Variants in CARS2 observed in about 807,000 individuals in gnomAD.
The protein encoded by CARS2 is probable cysteine--tRNA ligase, mitochondrial.
CARS2 carries 52 observed loss-of-function variants against 68.8 expected under a neutral mutation model. That is an observed-to-expected ratio of 0.76 (90% CI 0.61 to 0.95). The LOEUF (loss-of-function observed/expected upper bound fraction) is 0.95. Among genes scored for constraint, CARS2 ranks in the 40% least tolerant of loss-of-function variants. CARS2 has a pLI of 0.00. For missense variants in CARS2, 780 were observed against 754.2 expected (o/e 1.03, Z -0.40); for synonymous variants, 314 against 303.6 (o/e 1.03, Z -0.36).
At position 110,705,810 on chromosome 13, in the gene CARS2, G is replaced by A. The variant is rs776707363; in HGVS notation, c.224+60C>T. ...CCTCCCCGAGCCCAGATCCCGTTCA[G>A]CCGTGGGAAGTCTCCGCCACGATCG... On this transcript the variant is annotated intron_variant, in intron 1 of 14. Coordinates refer to ENST00000257347, the MANE Select transcript of CARS2 (RefSeq NM_024537.4). This position sits in a 1 kb window ranked among gnomAD's most constrained non-coding sequence, Gnocchi z 4.0. 1 of 1,524,518 alleles carries A rather than the reference G, an allele frequency of 6.6e-7. No homozygotes were observed. The allele number at this position is 1,524,518 out of a possible 1,614,324, so 94.4% of individuals were successfully genotyped here.
At position 110,665,779 on chromosome 13, in the gene CARS2, T is replaced by C; in HGVS notation, c.919+1561A>G. 1.0e-6 allele frequency: 1 copy of C among 985,432 alleles called. No individual in the cohort carries two copies. Among genetic ancestry groups the C allele is most frequent in the Non-Finnish European group, 1.2e-6 (1 of 829,926 alleles). The allele number at this position is 985,432 out of a possible 1,614,324, so 61.0% of individuals were successfully genotyped here. A position where few individuals can be genotyped will look rare whatever the true frequency, so the allele number is the denominator to read the frequency against. On this transcript the variant is annotated intron_variant, in intron 8 of 14. Transcript: ENST00000257347. This position sits in a 1 kb window ranked among gnomAD's most constrained non-coding sequence, Gnocchi z 4.3. ...TTCGGGGCAATCAGCCTCATCTATTTACTTTCATGAAGAAACCCAAGTGAA... is the reference window on the plus strand; with the variant it reads ...TTCGGGGCAATCAGCCTCATCTATTCACTTTCATGAAGAAACCCAAGTGAA...
upstream of CARS2, among the ~76,000 whole-genome samples, chr13:110,708,029 CTTATG>C (rs1404397409): frequency 6.6e-6 from 1 of 152,154 alleles, no homozygotes; most frequent in East Asian, 1.9e-4. Context: ...TCTTGCCTGC[CTTATG>C]TTATTTTGTA....
chr13:110,689,837 G>T (rs1276689545), intron 3 of CARS2, among the ~76,000 whole-genome samples: 1 of 152,104 alleles, frequency 6.6e-6, no homozygotes, highest in East Asian at 1.9e-4. Flanking sequence ...TCTATCCAGG[G>T]GACAAAAGAC....
upstream of CARS2, among the ~76,000 whole-genome samples, chr13:110,708,459 T>C (rs1445658614): frequency 6.6e-6 from 1 of 152,268 alleles, no homozygotes. Context: ...ACATGCGGTA[T>C]ATTTGAATTG....
intron 1 of CARS2, among the ~76,000 whole-genome samples, chr13:110,711,608 T>C (rs1297730256): frequency 5.3e-5 from 8 of 152,258 alleles, no homozygotes; most frequent in African/African-American, 1.9e-4. Flanking sequence ...AAGACTAGAA[T>C]AGCGTGATCT....
At chr13:110,703,540 T>C (rs2063853614) in intron 2 of CARS2, among the ~76,000 whole-genome samples, 1 of 152,222 alleles carries the variant, frequency 6.6e-6, no homozygotes. Flanking sequence ...TAAAGGTAAA[T>C]ATTATACAAA....
Position 110,653,194 on chromosome 13 carries a change from G to A in CARS2, c.988-2094C>T, listed in dbSNP as rs533061484. ...GGGGCCTGGGGTGGGGAGGGGGGCT[G>A]GGGTATGTGTGTGTGTGTGTTTGTG... On this transcript the variant is annotated intron_variant, in intron 9 of 14. Coordinates refer to ENST00000257347, the MANE Select transcript of CARS2 (RefSeq NM_024537.4). This position sits in a 1 kb window ranked among gnomAD's most constrained non-coding sequence, Gnocchi z 5.6. 1.0e-4 allele frequency among the ~76,000 whole-genome samples: 13 copies of A among 130,184 alleles called. No homozygotes were observed. The highest frequency in any genetic ancestry group is 4.3e-4 in the African/African-American group (13 of 30,088). 85.4% of individuals were successfully genotyped at this position (130,184 alleles called of 152,430 possible).
chr13:110,672,234 C>G (rs1417354286), intron 7 of CARS2, among the ~76,000 whole-genome samples: 1 of 152,204 alleles, frequency 6.6e-6, no homozygotes, highest in Non-Finnish European at 1.5e-5. Context: ...ATCTACAGAA[C>G]TCTCCACCCC....
chr13:110,679,550 AAAG>A (rs1242739421), intron 6 of CARS2, among the ~76,000 whole-genome samples: 2 of 54,138 alleles, frequency 3.7e-5, no homozygotes, highest in South Asian at 8.9e-4. Context: ...AAAGAAAAGA[AAAG>A]AAAGAAAGAA....
In CARS2 at chr13:110,705,548, T is replaced by C. The variant is rs1566364817; in HGVS notation, c.248A>G (p.Tyr83Cys). 1.2e-6 allele frequency: 2 copies of C among 1,613,294 alleles called. No individual in the cohort carries two copies. The highest frequency in any genetic ancestry group is 8.5e-7 in the Non-Finnish European group (1 of 1,179,410). Residue 83 changes from tyrosine (Y) to cysteine (C), a missense_variant, in exon 2 of 15, where the codon TAT (tyrosine) becomes TGT (cysteine). Tyr to Cys is a radical substitution (Grantham distance 194). Coordinates refer to ENST00000257347, the MANE Select transcript of CARS2 (RefSeq NM_024537.4). This position sits in a 1 kb window ranked among gnomAD's most constrained non-coding sequence, Gnocchi z 4.0. The stretch of plus-strand genomic sequence containing the variant: ...AGCATGGCCAAGGTGCGCATGATCA[T>C]ATACAGTTGGTCCACAGCTATACCT... ...ASWYSCGPTV[Y>C]DHAHLGHACS...
intron 11 of CARS2, 71 bp from the exon 12 acceptor site, chr13:110,646,161 CT>C: frequency 6.5e-7 from 1 of 1,531,622 alleles, no homozygotes. Context: ...CACACCAGTC[CT>C]TCCCCAGGGA....
chr13:110,668,497 G>A lies in CARS2; in HGVS notation c.786-1024C>T, dbSNP rs560227550. On this transcript the variant is annotated intron_variant, in intron 7 of 14. Transcript: ENST00000257347. This position sits in a 1 kb window ranked among gnomAD's most constrained non-coding sequence, Gnocchi z 4.1. Reference sequence around the variant, plus strand: ...GCGGAGCTTGCAGTGAGCCGAGATCGCGCCACTGCACTCCAGCCTGGGTGA... The same window carrying A: ...GCGGAGCTTGCAGTGAGCCGAGATCACGCCACTGCACTCCAGCCTGGGTGA... Among the ~76,000 whole-genome samples, 24 of 151,490 alleles carry A rather than the reference G, an allele frequency of 1.6e-4. No individual in the cohort carries two copies. The highest frequency in any genetic ancestry group is 4.1e-4 in the African/African-American group (17 of 41,276).
At chr13:110,673,160 C>A (rs2062847402) in intron 7 of CARS2, among the ~76,000 whole-genome samples, 2 of 152,196 alleles carry the variant, frequency 1.3e-5, no homozygotes, top group Non-Finnish European at 1.5e-5. Context: ...GGTACCATTC[C>A]TTCTGAAATT....
intron 5 of CARS2, among the ~76,000 whole-genome samples, chr13:110,684,391 C>T (rs2063237620): frequency 6.6e-6 from 1 of 152,022 alleles, no homozygotes; most frequent in Admixed American, 6.5e-5. Context: ...ACACAAGCTG[C>T]ACCCAGGACC....
At chr13:110,654,420 T>A (rs1254061894) in intron 9 of CARS2, among the ~76,000 whole-genome samples, 1 of 152,156 alleles carries the variant, frequency 6.6e-6, no homozygotes, top group Non-Finnish European at 1.5e-5. Flanking sequence ...GGAAAGGGTC[T>A]TATGCTAGAA....
chr13:110,674,042 T>C (rs2062874777), intron 7 of CARS2, among the ~76,000 whole-genome samples: 2 of 152,110 alleles, frequency 1.3e-5, no homozygotes, highest in African/African-American at 4.8e-5. Context: ...TACAAACCAC[T>C]GCTCAATGAA....
intron 3 of CARS2, among the ~76,000 whole-genome samples, chr13:110,700,456 AG>A (rs2139923265): frequency 6.6e-6 from 1 of 152,254 alleles, no homozygotes; most frequent in South Asian, 2.1e-4. Context: ...CAGAGAGGGG[AG>A]GCGGCCTGGT....
intron 1 of CARS2, chr13:110,713,078 C>T (rs1266981976): frequency 1.4e-6 from 2 of 1,445,208 alleles, no homozygotes; most frequent in East Asian, 2.5e-5. Flanking sequence ...CCTCCCCTTC[C>T]TTCCGCCTCC....
At chr13:110,688,643 T>G (rs2063373478) in intron 3 of CARS2, 1 of 151,478 alleles carries the variant, frequency 6.6e-6, no homozygotes, top group Non-Finnish European at 1.5e-5. Context: ...GTGTTGTGGG[T>G]CATAGCTATA....
Sources: allele counts gnomAD v4.1 joint callset (sites outside exome capture counted in the v4.1 genomes callset), GRCh38; gene constraint gnomAD v4.1.1; non-coding constraint Gnocchi (gnomAD v3.1); transcripts MANE v1.5; gene names NCBI Gene and HGNC (gene_info 2026-07-23, HGNC 2026-07-21).